HEMK2: variants seen among roughly 807,000 people sequenced by gnomAD.
HEMK2 encodes methyltransferase HEMK2.
chr21:28,780,558 G>A, the HEMK2 span, among the ~76,000 whole-genome samples: 4 of 151,838 alleles, frequency 2.6e-5, no homozygotes, highest in South Asian at 4.2e-4. Flanking sequence ...TGATCTGCCC[G>A]CCTTGGCATC....
At chr21:28,654,226 A>G in the HEMK2 span, among the ~76,000 whole-genome samples, 1 of 152,164 alleles carries the variant, frequency 6.6e-6, no homozygotes, top group Admixed American at 6.6e-5. Context: ...TTAGTAAGTT[A>G]TGGATCGTGG....
chr21:28,878,143 T>C, the HEMK2 span: 4 of 1,461,934 alleles, frequency 2.7e-6, no homozygotes, highest in South Asian at 5.1e-5. Flanking sequence ...ATTATTAACT[T>C]TTGATTTCAG....
the HEMK2 span, chr21:28,876,324 T>C: frequency 1.3e-5 from 15 of 1,183,224 alleles, no homozygotes; most frequent in Admixed American, 3.8e-4. Flanking sequence ...AATGAATGAC[T>C]TCAGTTTCAA....
chr21:28,827,128 C>T, the HEMK2 span, among the ~76,000 whole-genome samples: 1 of 152,170 alleles, frequency 6.6e-6, no homozygotes, highest in South Asian at 2.1e-4. Flanking sequence ...AGACCCCATG[C>T]TAGGCAGAAA....
the HEMK2 span, among the ~76,000 whole-genome samples, chr21:28,838,062 A>G: frequency 5.8e-4 from 88 of 152,294 alleles, no homozygotes; most frequent in African/African-American, 2.1e-3. Flanking sequence ...ACTGCCAACA[A>G]AAAAATAGCC....
At chr21:28,697,175 G>C in the HEMK2 span, among the ~76,000 whole-genome samples, 1 of 152,074 alleles carries the variant, frequency 6.6e-6, no homozygotes, top group Non-Finnish European at 1.5e-5. Context: ...CCAGAAAATG[G>C]GTTTTTCTTT....
At chr21:28,747,760 T>C in the HEMK2 span, among the ~76,000 whole-genome samples, 1 of 152,224 alleles carries the variant, frequency 6.6e-6, no homozygotes, top group Non-Finnish European at 1.5e-5. Context: ...TGCACCAACA[T>C]GGATAGGACA....
At chr21:28,878,088 G>C in the HEMK2 span, 1 of 1,007,730 alleles carries the variant, frequency 9.9e-7, no homozygotes, top group Non-Finnish European at 1.4e-6. Context: ...TGTTTTAAGT[G>C]ATTCATTAAC....
At chr21:28,707,430 A>AT in the HEMK2 span, among the ~76,000 whole-genome samples, 8 of 151,682 alleles carry the variant, frequency 5.3e-5, no homozygotes, top group Non-Finnish European at 1.0e-4. Flanking sequence ...TAATTTTTGT[A>AT]TTTTTTGTAT....
the HEMK2 span, among the ~76,000 whole-genome samples, chr21:28,765,616 A>G: frequency 6.6e-6 from 1 of 152,122 alleles, no homozygotes; most frequent in African/African-American, 2.4e-5. Flanking sequence ...AGGCTACCAA[A>G]TCAGCCAAAA....
chr21:28,651,095 ATAGT>A, the HEMK2 span, among the ~76,000 whole-genome samples: 2 of 152,192 alleles, frequency 1.3e-5, no homozygotes, highest in Non-Finnish European at 2.9e-5. Context: ...ATTCAGGAAG[ATAGT>A]TAGAGCTACA....
chr21:28,722,421 G>A, the HEMK2 span, among the ~76,000 whole-genome samples: 1 of 152,192 alleles, frequency 6.6e-6, no homozygotes, highest in Non-Finnish European at 1.5e-5. Flanking sequence ...CTTAGGATTT[G>A]TAAAACAAAA....
the HEMK2 span, among the ~76,000 whole-genome samples, chr21:28,859,435 A>C: frequency 1.3e-5 from 2 of 152,218 alleles, no homozygotes; most frequent in Admixed American, 6.5e-5. Context: ...GATGTCAATA[A>C]TCACCATCCT....
the HEMK2 span, among the ~76,000 whole-genome samples, chr21:28,705,424 G>A: frequency 2.6e-5 from 4 of 152,008 alleles, no homozygotes; most frequent in African/African-American, 9.7e-5. Context: ...TAGAAGGAAA[G>A]ACTTAGAAAT....
At chr21:28,780,108 G>T in the HEMK2 span, among the ~76,000 whole-genome samples, 6 of 152,226 alleles carry the variant, frequency 3.9e-5, no homozygotes, top group Middle Eastern at 3.4e-3. Flanking sequence ...AGGTCCATGA[G>T]CTATGAGCTT....
the HEMK2 span, among the ~76,000 whole-genome samples, chr21:28,722,598 T>C: frequency 6.6e-6 from 1 of 152,156 alleles, no homozygotes; most frequent in African/African-American, 2.4e-5. Flanking sequence ...AAGGCATCCA[T>C]AGGCCGGGCA....
At chr21:28,876,531 T>C in the HEMK2 span, 2 of 1,352,108 alleles carry the variant, frequency 1.5e-6, no homozygotes, top group South Asian at 2.5e-5. Flanking sequence ...TTAAGCCATT[T>C]GGTAGTGTGC....
the HEMK2 span, among the ~76,000 whole-genome samples, chr21:28,688,644 A>G: frequency 1.3e-5 from 2 of 152,244 alleles, no homozygotes; most frequent in Middle Eastern, 3.4e-3. Context: ...AAATATACTT[A>G]GCATTATTAT....
At chr21:28,637,629 G>C in the HEMK2 span, among the ~76,000 whole-genome samples, 14,540 of 152,174 alleles carry the variant, frequency 0.096, 963 homozygotes, top group East Asian at 0.34. Flanking sequence ...TAAATGTTGA[G>C]ACTTGAGCAG....
Sources: allele counts gnomAD v4.1 joint callset (sites outside exome capture counted in the v4.1 genomes callset), GRCh38; gene constraint gnomAD v4.1.1; transcripts MANE v1.5; gene names NCBI Gene and HGNC (gene_info 2026-07-23, HGNC 2026-07-21).